Variants in PCDH15 observed in about 807,000 individuals in gnomAD.
PCDH15 encodes protocadherin-15.
Under a neutral mutation model 178.5 loss-of-function variants are expected in PCDH15, and 129 were observed. The ratio of observed to expected loss-of-function variants is 0.72; its 90% CI spans 0.63 to 0.84. The LOEUF is 0.84. Ranked by LOEUF, PCDH15 falls within the 40% of genes least tolerant of loss-of-function variation. PCDH15 has a pLI of 0.00. For missense variants in PCDH15, 2,230 were observed against 2,099.9 expected, an observed-to-expected ratio of 1.06 and a Z score of -1.21; for synonymous variants, 800 against 732.0, an observed-to-expected ratio of 1.09 and a Z score of -1.50.
rs765707540 is a variant in PCDH15 at position 54,346,553 on chromosome 10, T to TA, written c.475-70dup. Reference sequence around the variant, plus strand: ...ACTGCACACCAGAAATGTTACAGCATAAAAATCAGCTCTTTATTACCTAAA... The same window carrying TA: ...ACTGCACACCAGAAATGTTACAGCATAAAAAATCAGCTCTTTATTACCTAAA... On this transcript the variant is annotated intron_variant, in intron 5 of 37. Transcript: ENST00000644397. 314 of 1,576,964 alleles carry TA rather than the reference T, an allele frequency of 2.0e-4. 2 individuals are homozygous for TA. In the Middle Eastern group the frequency reaches 2.7e-3, roughly 13 times the overall value.
chr10:53,890,691 A>T (rs2081494615), intron 26 of PCDH15, among the ~76,000 whole-genome samples: 1 of 152,150 alleles, frequency 6.6e-6, no homozygotes. Flanking sequence ...CTTGATGGAG[A>T]TGCCTAGTTT....
chr10:54,168,608 A>G (rs1266887812), intron 13 of PCDH15, among the ~76,000 whole-genome samples: 2 of 152,148 alleles, frequency 1.3e-5, no homozygotes, highest in Admixed American at 6.5e-5. Context: ...CTGGAGCCAA[A>G]GGCATAGTCA....
chr10:55,258,879 TATCAAAAAACTGAAA>T (rs1368134550), intron 1 of PCDH15, among the ~76,000 whole-genome samples: 1 of 151,380 alleles, frequency 6.6e-6, no homozygotes, highest in African/African-American at 2.4e-5. Context: ...TCTCAAAAAG[TATCAAAAAACTGAAA>T]CTCATCAGAT....
At chr10:54,214,102 A>T (rs1421691301) in intron 9 of PCDH15, 54 bp from the exon 10 acceptor site, 3 of 970,220 alleles carry the variant, frequency 3.1e-6, no homozygotes, top group Non-Finnish European at 5.0e-6. Context: ...TAATATGTGT[A>T]TCTGCTTTTT....
chr10:54,058,269 C>A (rs2093940470), intron 18 of PCDH15, among the ~76,000 whole-genome samples: 1 of 152,166 alleles, frequency 6.6e-6, no homozygotes, highest in Admixed American at 6.5e-5. Context: ...AGACTGTTTT[C>A]ATGCTGCTAA....
At chr10:54,017,726 C>T (rs2092786768) in intron 20 of PCDH15, among the ~76,000 whole-genome samples, 1 of 151,946 alleles carries the variant, frequency 6.6e-6, no homozygotes, top group South Asian at 2.1e-4. Context: ...TCATTCATAT[C>T]CCAAACCTCA....
chr10:54,250,482 A>T (rs767919148), intron 8 of PCDH15, among the ~76,000 whole-genome samples: 1 of 151,328 alleles, frequency 6.6e-6, no homozygotes, highest in Non-Finnish European at 1.5e-5. Context: ...ACAGGGTTTC[A>T]TCACTTTAGC....
chr10:54,318,484 A>C (rs879508624), intron 7 of PCDH15, among the ~76,000 whole-genome samples: 34 of 152,106 alleles, frequency 2.2e-4, no homozygotes, highest in Admixed American at 3.3e-4. Flanking sequence ...TGTCTAGTGC[A>C]ATTTTGCTGT....
At chr10:54,335,207 A>G (rs996782654) in intron 6 of PCDH15, among the ~76,000 whole-genome samples, 4 of 152,172 alleles carry the variant, frequency 2.6e-5, no homozygotes, top group African/African-American at 7.2e-5. Flanking sequence ...CTTTGCTCCT[A>G]AGAGAAAGTC....
chr10:54,119,027 T>C (rs2132829170), intron 15 of PCDH15, among the ~76,000 whole-genome samples: 2 of 152,138 alleles, frequency 1.3e-5, no homozygotes, highest in Middle Eastern at 6.8e-3. Flanking sequence ...GTTACAGAAA[T>C]TAAAAATCCT....
chr10:54,799,937 C>T (rs1211852033), intron 1 of PCDH15, among the ~76,000 whole-genome samples: 1 of 152,136 alleles, frequency 6.6e-6, no homozygotes, highest in Non-Finnish European at 1.5e-5. Context: ...ATTTTGCGCT[C>T]AAAATATGCC....
Position 54,826,908 on chromosome 10 carries a change from C to T in PCDH15, c.-29+70542G>A, listed in dbSNP as rs75037332. 3.7e-3 allele frequency among the ~76,000 whole-genome samples: 559 copies of T among 152,154 alleles called. 1 individual carries two copies. The highest frequency in any genetic ancestry group is 0.013 in the African/African-American group (537 of 41,524). On this transcript the variant is annotated intron_variant, in intron 3 of 5. Coordinates refer to the PCDH15 transcript ENST00000458638. The stretch of plus-strand genomic sequence containing the variant: ...CATACTTTTCTAGTGAACTTATATG[C>T]AGACTTAGAATTTGGGACATGGCAC...
At chr10:54,511,001 G>A (rs1418412103) in intron 3 of PCDH15, among the ~76,000 whole-genome samples, 2 of 152,152 alleles carry the variant, frequency 1.3e-5, no homozygotes, top group African/African-American at 4.8e-5. Context: ...GTGATGGTTA[G>A]CGTGCTTTCA....
intron 2 of PCDH15, among the ~76,000 whole-genome samples, chr10:54,928,036 G>A (rs930399098): frequency 1.4e-4 from 21 of 152,212 alleles, no homozygotes; most frequent in African/African-American, 4.8e-4. Context: ...AATGTCACCA[G>A]TCTGTGTACT....
intron 2 of PCDH15, among the ~76,000 whole-genome samples, chr10:55,046,127 A>C (rs556246907): frequency 2.0e-5 from 3 of 152,150 alleles, no homozygotes; most frequent in Admixed American, 2.0e-4. Context: ...TAGCTGCCTC[A>C]AATTAAGCAA....
intron 2 of PCDH15, among the ~76,000 whole-genome samples, chr10:55,058,192 T>G: frequency 6.6e-6 from 1 of 152,116 alleles, no homozygotes; most frequent in East Asian, 1.9e-4. Context: ...TTATATTTTG[T>G]TCTGTATTTT....
intron 3 of PCDH15, among the ~76,000 whole-genome samples, chr10:54,867,345 T>G (rs979392002): frequency 6.6e-6 from 1 of 152,188 alleles, no homozygotes; most frequent in African/African-American, 2.4e-5. Flanking sequence ...TTTAAACCAT[T>G]GAATCAAATT....
intron 3 of PCDH15, among the ~76,000 whole-genome samples, chr10:54,518,167 C>T (rs1417364546): frequency 4.6e-5 from 7 of 152,010 alleles, no homozygotes; most frequent in African/African-American, 1.5e-4. Context: ...AAAGCAAGAG[C>T]AAACACATTC....
At chr10:53,877,255 C>G (rs2080315827) in intron 26 of PCDH15, among the ~76,000 whole-genome samples, 1 of 152,076 alleles carries the variant, frequency 6.6e-6, no homozygotes, top group African/African-American at 2.4e-5. Context: ...GATTATACCT[C>G]CCTCAGAGAT....
Sources: allele counts gnomAD v4.1 joint callset (sites outside exome capture counted in the v4.1 genomes callset), GRCh38; gene constraint gnomAD v4.1.1; transcripts MANE v1.5; gene names NCBI Gene and HGNC (gene_info 2026-07-23, HGNC 2026-07-21).